CDC25C: variants seen among roughly 807,000 people sequenced by gnomAD.
CDC25C encodes cell division cycle 25C.
In CDC25C, 48 loss-of-function variants were observed where a neutral mutation model predicts 52.5. That is an observed-to-expected ratio of 0.91 (90% CI 0.72 to 1.16). The LOEUF is 1.16. CDC25C is among the 50% of genes most tolerant of loss of function. CDC25C has a pLI of 0.00. For synonymous variants in CDC25C, 187 were observed against 206.5 expected (o/e 0.91, Z 0.81); for missense variants, 510 against 566.1 (o/e 0.90, Z 1.01).
chr5:138,305,074 C>T (rs1757906655), intron 7 of CDC25C, among the ~76,000 whole-genome samples: 1 of 152,150 alleles, frequency 6.6e-6, no homozygotes, highest in Non-Finnish European at 1.5e-5. Context: ...CCTTTTCCAC[C>T]TGGGGCCTCT....
At chr5:138,338,280 C>G (rs1042317507) in exon 1 of CDC25C, 2 of 897,024 alleles carry the variant, frequency 2.2e-6, no homozygotes. Context: ...CTGCTCCGGC[C>G]GCGGCCCTGG....
intron 7 of CDC25C, among the ~76,000 whole-genome samples, chr5:138,306,416 G>A (rs1218788211): frequency 2.6e-5 from 4 of 151,826 alleles, no homozygotes; most frequent in African/African-American, 9.7e-5. Flanking sequence ...CTAAGGTTAC[G>A]ACAATCTCCA....
chr5:138,332,557 T>C (rs1383709390), upstream of CDC25C, among the ~76,000 whole-genome samples: 1 of 152,122 alleles, frequency 6.6e-6, no homozygotes, highest in African/African-American at 2.4e-5. Flanking sequence ...AATTTGAACA[T>C]TGACGAGGTG....
intron 7 of CDC25C, among the ~76,000 whole-genome samples, chr5:138,302,394 GGTT>G (rs1223747934): frequency 6.6e-6 from 1 of 151,844 alleles, no homozygotes; most frequent in Non-Finnish European, 1.5e-5. Context: ...AGGATTGCAA[GGTT>G]GTTTAACATT....
chr5:138,326,753 C>T (rs1416938173), intron 4 of CDC25C, among the ~76,000 whole-genome samples: 6 of 151,964 alleles, frequency 3.9e-5, no homozygotes, highest in East Asian at 2.0e-4. Context: ...TGGGAGTTCG[C>T]AACCAGCCTG....
At chr5:138,310,289 G>A (rs1238502182) in intron 7 of CDC25C, among the ~76,000 whole-genome samples, 1 of 152,124 alleles carries the variant, frequency 6.6e-6, no homozygotes, top group Non-Finnish European at 1.5e-5. Flanking sequence ...CTTCGAACAA[G>A]TGCCATGCAT....
At chr5:138,307,979 C>T (rs1758153141) in intron 7 of CDC25C, among the ~76,000 whole-genome samples, 1 of 152,138 alleles carries the variant, frequency 6.6e-6, no homozygotes, top group Non-Finnish European at 1.5e-5. Context: ...AAGGAACCGG[C>T]AACCTAGATC....
Position 138,286,618 on chromosome 5 carries a change from A to T in CDC25C, c.1039T>A (p.Leu347Ile). The T allele has an allele frequency of 3.7e-6, 6 of 1,611,864 alleles. No homozygotes were observed. The highest frequency in any genetic ancestry group is 5.1e-6 in the Non-Finnish European group (6 of 1,178,852). The change falls in exon 12 of 14, where the codon TTA (leucine) becomes ATA (isoleucine). Residue 347 changes from leucine to isoleucine, a missense_variant. Coordinates refer to ENST00000323760, the MANE Select transcript of CDC25C (RefSeq NM_001790.5). Reference protein sequence around the residue: ...LGGHIQGALNLYSQEELFNFF... With the variant: ...LGGHIQGALNIYSQEELFNFF... ...TTAAACAGTTCTTCCTGACTATATA[A>T]GTTTAAGGCTCCCTGTAGAAGAAGA...
chr5:138,287,748 C>T (rs1204727691), intron 10 of CDC25C, among the ~76,000 whole-genome samples: 2 of 152,194 alleles, frequency 1.3e-5, no homozygotes, highest in South Asian at 2.1e-4. Flanking sequence ...ATTGGTTCAG[C>T]CTTTCTGAAG....
chr5:138,325,710 T>C, intron 6 of CDC25C, 105 bp downstream of exon 6: 1 of 775,052 alleles, frequency 1.3e-6, no homozygotes, highest in South Asian at 1.7e-5. Context: ...AGTTTCCTTG[T>C]CTAGCATACG....
chr5:138,312,986 C>T (rs1416866036), intron 7 of CDC25C, among the ~76,000 whole-genome samples: 1 of 151,742 alleles, frequency 6.6e-6, no homozygotes, highest in African/African-American at 2.4e-5. Context: ...ATATGAGGTA[C>T]CTAGAGCAAA....
At chr5:138,311,087 G>A (rs1758416443) in intron 7 of CDC25C, among the ~76,000 whole-genome samples, 1 of 152,150 alleles carries the variant, frequency 6.6e-6, no homozygotes, top group Non-Finnish European at 1.5e-5. Context: ...GAAGAAAGGA[G>A]AGTTTTTTCA....
Position 138,331,698 on chromosome 5 carries a change from G to A in CDC25C, c.-142C>T, listed in dbSNP as rs1386572664. The A allele has an allele frequency of 1.0e-6, 1 of 990,720 alleles. No homozygotes were observed. The highest frequency in any genetic ancestry group is 1.2e-6 in the Non-Finnish European group (1 of 832,858). The allele number at this position is 990,720 out of a possible 1,614,324, so 61.4% of individuals were successfully genotyped here. On this transcript the variant is annotated 5_prime_UTR_variant, in exon 1 of 14. Transcript: ENST00000323760. ...GAATGAAAGGAAATCTAGGGGAAAG[G>A]AGGTAGTTAACTAGATTGCAGCTCT...
intron 7 of CDC25C, among the ~76,000 whole-genome samples, chr5:138,318,380 A>G (rs980032635): frequency 6.6e-6 from 1 of 152,192 alleles, no homozygotes; most frequent in Non-Finnish European, 1.5e-5. Flanking sequence ...AGCATTTAGT[A>G]GAGTGACTCA....
At chr5:138,297,003 C>T (rs551271612) in intron 7 of CDC25C, among the ~76,000 whole-genome samples, 39 of 149,636 alleles carry the variant, frequency 2.6e-4, no homozygotes, top group East Asian at 1.6e-3. Context: ...CTCTGCCTCG[C>T]GGGTTCACGC....
intron 7 of CDC25C, among the ~76,000 whole-genome samples, chr5:138,296,153 C>A (rs1392525651): frequency 2.0e-5 from 3 of 152,172 alleles, no homozygotes; most frequent in Non-Finnish European, 2.9e-5. Flanking sequence ...TCTTTCTGAA[C>A]CTCATGTCGG....
intron 7 of CDC25C, among the ~76,000 whole-genome samples, chr5:138,314,494 T>C (rs1174177262): frequency 1.3e-5 from 2 of 149,826 alleles, no homozygotes; most frequent in African/African-American, 4.9e-5. Context: ...CAAGGTTTCA[T>C]ACTGTTGGCC....
intron 7 of CDC25C, among the ~76,000 whole-genome samples, chr5:138,297,947 C>T (rs935846669): frequency 6.6e-6 from 1 of 151,698 alleles, no homozygotes; most frequent in African/African-American, 2.4e-5. Flanking sequence ...ATGCAATGGC[C>T]CTGGGTGAGA....
rs867464017 is a variant in CDC25C, at chr5:138,291,908, A to G, written c.762+62T>C. On this transcript the variant is annotated intron_variant, in intron 8 of 13. Transcript: ENST00000323760. ...AAAGGCATAATAAAACAATCCTCAT[A>G]CCAGAAAAGCAAAGACATGAGATAG... The G allele has an allele frequency of 3.3e-5, 47 of 1,415,830 alleles. 1 individual carries two copies. Among genetic ancestry groups the G allele is most frequent in the Middle Eastern group, 4.2e-4 (2 of 4,768 alleles). 87.7% of individuals were successfully genotyped at this position (1,415,830 alleles called of 1,614,324 possible).
Sources: gnomAD v4.1 joint callset for allele counts (sites outside exome capture counted in the v4.1 genomes callset) on GRCh38, gnomAD v4.1.1 for gene constraint, MANE v1.5 for transcripts, NCBI Gene and HGNC (gene_info 2026-07-23, HGNC 2026-07-21) for gene names.